Variants in C1orf159 observed in about 807,000 individuals in gnomAD.
The protein encoded by C1orf159 is chromosome 1 open reading frame 159.
C1orf159 carries 19 observed loss-of-function variants against 25.6 expected under a neutral mutation model. The ratio of observed to expected loss-of-function variants is 0.74; its 90% CI spans 0.52 to 1.09. The LOEUF (loss-of-function observed/expected upper bound fraction) is 1.09, where lower values mean the gene tolerates loss of function less well. Among genes scored for constraint, C1orf159 ranks in the 50% least tolerant of loss-of-function variants. The pLI is 0.00. For missense variants in C1orf159, 274 were observed against 290.6 expected, an observed-to-expected ratio of 0.94 and a Z score of 0.42; for synonymous variants, 139 against 124.7, an observed-to-expected ratio of 1.12 and a Z score of -0.77.
rs556179724 is a variant in C1orf159 at position 1,097,791 on chromosome 1, G to GA, written c.-135-5689dup. On this transcript the variant is annotated intron_variant, in intron 1 of 9. Coordinates refer to ENST00000421241, the MANE Select transcript of C1orf159 (RefSeq NM_017891.5). ...TTGTCAATCTTTCCAATCTTTTAGG[G>GA]AAAAAATCAGCTTTTGATATTGTTA... Among the ~76,000 whole-genome samples, 429 of 151,976 alleles carry GA rather than the reference G, an allele frequency of 2.8e-3. 2 individuals carry two copies. The highest frequency in any genetic ancestry group is 9.9e-3 in the African/African-American group (412 of 41,486).
chr1:1,095,720 A>G (rs566602976), intron 1 of C1orf159, among the ~76,000 whole-genome samples: 166 of 152,318 alleles, frequency 1.1e-3, no homozygotes, highest in Non-Finnish European at 2.0e-3. Flanking sequence ...CAGAAGAGTG[A>G]GAATGGGTGT....
chr1:1,090,318 C>T (rs1645907902), intron 4 of C1orf159, 35 bp downstream of exon 4: 1 of 1,548,028 alleles, frequency 6.5e-7, no homozygotes, highest in Non-Finnish European at 8.7e-7. Flanking sequence ...GGCTCAGGGG[C>T]CGGTCTGGAA....
At chr1:1,099,661 G>T (rs12754192) in intron 1 of C1orf159, among the ~76,000 whole-genome samples, 3 of 127,224 alleles carry the variant, frequency 2.4e-5, no homozygotes, top group East Asian at 2.3e-4. Context: ...GACTATGATT[G>T]TGGATTGTCT....
In C1orf159 at chr1:1,087,034, C is replaced by G; in HGVS notation, c.310+105G>C. On this transcript the variant is annotated intron_variant, in intron 6 of 9. Transcript: ENST00000421241. This position sits in a 1 kb window ranked among gnomAD's most constrained non-coding sequence, Gnocchi z 8.3. ...CTCCCCTCTGGCTGTTTTGCAGAACCCTGAGCCTGCTGTGGCTGCGTCAAG... is the reference window on the plus strand; with the variant it reads ...CTCCCCTCTGGCTGTTTTGCAGAACGCTGAGCCTGCTGTGGCTGCGTCAAG... 1.6e-6 allele frequency: 2 copies of G among 1,220,766 alleles called. No homozygotes were observed. Among genetic ancestry groups the G allele is most frequent in the Non-Finnish European group, 2.3e-6 (2 of 862,232 alleles). 75.6% of individuals were successfully genotyped at this position (1,220,766 alleles called of 1,614,324 possible).
At chr1:1,100,660 TC>T (rs1245189087) in intron 1 of C1orf159, among the ~76,000 whole-genome samples, 3 of 152,168 alleles carry the variant, frequency 2.0e-5, no homozygotes, top group African/African-American at 7.2e-5. Context: ...TGTTTTTTGT[TC>T]CTCTATTCTC....
chr1:1,091,892 C>A, intron 2 of C1orf159, 99 bp downstream of exon 2: 1 of 462,124 alleles, frequency 2.2e-6, no homozygotes, highest in South Asian at 1.8e-5. Flanking sequence ...GGTGCAGGGC[C>A]ACGACAGGGA....
intron 7 of C1orf159, 68 bp from the exon 8 acceptor site, chr1:1,084,574 G>A (rs1001082372): frequency 3.9e-5 from 60 of 1,536,732 alleles, no homozygotes; most frequent in South Asian, 1.6e-4. Flanking sequence ...CCAGTGCAGC[G>A]TCCGGGACAG....
intron 9 of C1orf159, 42 bp downstream of exon 9, chr1:1,084,311 G>A (rs1165699304): frequency 6.6e-7 from 1 of 1,526,560 alleles, no homozygotes. Context: ...GACTGGCCCA[G>A]AGATGGGAAA....
chr1:1,092,302 G>A (rs923517628), intron 1 of C1orf159, 199 bp from the exon 2 acceptor site: 46 of 230,484 alleles, frequency 2.0e-4, no homozygotes, highest in African/African-American at 9.8e-4. Context: ...TCCTGCGGGT[G>A]AGAGTGCCTG....
chr1:1,099,678 G>C (rs796263275), intron 1 of C1orf159, among the ~76,000 whole-genome samples: 1 of 89,414 alleles, frequency 1.1e-5, no homozygotes, highest in Non-Finnish European at 2.0e-5. Flanking sequence ...GTCTGCTGAT[G>C]TTTTTGGTCT....
chr1:1,100,118 G>A (rs1420904651), intron 1 of C1orf159, among the ~76,000 whole-genome samples: 3 of 150,032 alleles, frequency 2.0e-5, no homozygotes, highest in South Asian at 4.1e-4. Flanking sequence ...ATACATAGAC[G>A]GACAGACAGA....
rs987499575 is a variant in C1orf159 at position 1,087,381 on chromosome 1, G to A, written c.244+121C>T. 37 of 1,189,232 alleles carry A rather than the reference G, an allele frequency of 3.1e-5. No homozygotes were observed. The highest frequency in any genetic ancestry group is 2.8e-4 in the South Asian group (18 of 65,298). 73.7% of individuals were successfully genotyped at this position (1,189,232 alleles called of 1,614,324 possible). A position where few individuals can be genotyped will look rare whatever the true frequency, so the allele number is the denominator to read the frequency against. Reference sequence around the variant, plus strand: ...GCAGACTCGGGAAGAGGGGGCTCCCGGGGCTGTTCCCCAGTGGACAGTGGC... The same window carrying A: ...GCAGACTCGGGAAGAGGGGGCTCCCAGGGCTGTTCCCCAGTGGACAGTGGC... On this transcript the variant is annotated intron_variant, in intron 5 of 9. Transcript: ENST00000421241. The surrounding 1 kb of genome is among the most constrained non-coding windows in gnomAD (Gnocchi z 8.3).
At chr1:1,105,746 C>CGGGG (rs1250748258) in intron 1 of C1orf159, among the ~76,000 whole-genome samples, 34 of 127,592 alleles carry the variant, frequency 2.7e-4, no homozygotes, top group African/African-American at 1.2e-3. Flanking sequence ...GCTGGGCGGG[C>CGGGG]GCCTGTAGTC....
chr1:1,107,104 G>A lies in C1orf159; in HGVS notation c.-136+8956C>T, dbSNP rs544193387. Among the ~76,000 whole-genome samples the A allele has an allele frequency of 2.6e-4, 39 of 152,300 alleles. 1 individual carries two copies. In the South Asian group the frequency reaches 3.1e-3, roughly 12 times the overall value. On this transcript the variant is annotated intron_variant, in intron 1 of 9. Coordinates refer to ENST00000421241, the MANE Select transcript of C1orf159 (RefSeq NM_017891.5). ...CCCAACGGGCACCACCCCCTGCTCC[G>A]CGGCACCCGATCCCATCAACCACCC...
Position 1,110,321 on chromosome 1 carries a change from C to T in C1orf159, c.-136+5739G>A, listed in dbSNP as rs756600894. Reference sequence around the variant, plus strand: ...ACCAAGAGGGAGCTCGTTCAGTCGGCGGGGGACTTAGGATTTTATTCTTAG... The same window carrying T: ...ACCAAGAGGGAGCTCGTTCAGTCGGTGGGGGACTTAGGATTTTATTCTTAG... On this transcript the variant is annotated intron_variant, in intron 1 of 9. Transcript: ENST00000421241. This position sits in a 1 kb window ranked among gnomAD's most constrained non-coding sequence, Gnocchi z 4.8. 2.0e-5 allele frequency among the ~76,000 whole-genome samples: 3 copies of T among 152,008 alleles called. No individual in the cohort carries two copies. Among genetic ancestry groups the T allele is most frequent in the South Asian group, 4.1e-4 (2 of 4,820 alleles).
intron 1 of C1orf159, among the ~76,000 whole-genome samples, chr1:1,111,909 T>C (rs1260439206): frequency 6.6e-6 from 1 of 152,228 alleles, no homozygotes; most frequent in Non-Finnish European, 1.5e-5. Context: ...TAAAGATCCC[T>C]CTCGTGCTTT....
intron 6 of C1orf159, among the ~76,000 whole-genome samples, 184 bp downstream of exon 6, chr1:1,086,955 C>T (rs953214597): frequency 1.3e-5 from 2 of 152,314 alleles, no homozygotes; most frequent in East Asian, 1.9e-4. Context: ...CCCCCCATGA[C>T]GCCCCACATC....
In C1orf159 at chr1:1,110,999, G is replaced by A. The variant is rs1483416255; in HGVS notation, c.-136+5061C>T. ...GGATCACAGGCAGATTCTACATCAC[G>A]ACAGGAGTCTGGTGAATCCTTTGTC... On this transcript the variant is annotated intron_variant, in intron 1 of 9. Transcript: ENST00000421241. This position sits in a 1 kb window ranked among gnomAD's most constrained non-coding sequence, Gnocchi z 4.8. Among the ~76,000 whole-genome samples, 8 of 152,218 alleles carry A rather than the reference G, an allele frequency of 5.3e-5. No homozygotes were observed. The highest frequency in any genetic ancestry group is 3.8e-4 in the East Asian group (2 of 5,202).
At chr1:1,102,615 A>T (rs12728333) in intron 1 of C1orf159, among the ~76,000 whole-genome samples, 706 of 13,844 alleles carry the variant, frequency 0.051, 10 homozygotes, top group East Asian at 0.21. Context: ...TGTCTCTACT[A>T]AAAAAAAAAA....
Sources: allele counts gnomAD v4.1 joint callset (sites outside exome capture counted in the v4.1 genomes callset), GRCh38; gene constraint gnomAD v4.1.1; non-coding constraint Gnocchi (gnomAD v3.1); transcripts MANE v1.5; gene names NCBI Gene and HGNC (gene_info 2026-07-23, HGNC 2026-07-21).